Variants in TESC observed in about 807,000 individuals in gnomAD.
TESC encodes calcineurin B homologous protein 3.
Under a neutral mutation model 31.0 loss-of-function variants are expected in TESC, and 19 were observed. The observed-to-expected ratio is 0.61, with a 90% CI of 0.43 to 0.90. The LOEUF (loss-of-function observed/expected upper bound fraction) is 0.90. Ranked by LOEUF, TESC falls within the 40% of genes least tolerant of loss-of-function variation. The probability of loss-of-function intolerance (pLI) is 0.00; values close to 1 mark genes in which losing one functional copy is unlikely to be tolerated. For missense variants in TESC, 248 were observed against 303.8 expected, an observed-to-expected ratio of 0.82 and a Z score of 1.36; for synonymous variants, 109 against 114.8, an observed-to-expected ratio of 0.95 and a Z score of 0.32.
At chr12:117,049,271 G>A (rs1954613081) in intron 3 of TESC, 113 bp from the exon 4 acceptor site, 1 of 1,453,654 alleles carries the variant, frequency 6.9e-7, no homozygotes, top group Non-Finnish European at 9.4e-7. Flanking sequence ...GACCCACGAT[G>A]GCTGCTCTCG....
At chr12:117,046,864 C>T (rs1954574070) in intron 4 of TESC, 26 bp from the exon 5 acceptor site, 1 of 1,553,600 alleles carries the variant, frequency 6.4e-7, no homozygotes, top group African/African-American at 1.4e-5. Flanking sequence ...AGAGAGGGGA[C>T]TCCGTCAGGC....
At chr12:117,089,921 C>A (rs2135802261) in intron 1 of TESC, among the ~76,000 whole-genome samples, 1 of 152,112 alleles carries the variant, frequency 6.6e-6, no homozygotes, top group South Asian at 2.1e-4. Flanking sequence ...CCAGACATAG[C>A]ATGTACAAAA....
intron 1 of TESC, among the ~76,000 whole-genome samples, chr12:117,094,336 T>C (rs1955362454): frequency 6.6e-6 from 1 of 152,114 alleles, no homozygotes; most frequent in Non-Finnish European, 1.5e-5. Flanking sequence ...GGGGAGATGC[T>C]GGGAGGGTTG....
intron 7 of TESC, 25 bp from the exon 8 acceptor site, chr12:117,039,235 G>A (rs1449631015): frequency 1.9e-6 from 3 of 1,605,794 alleles, no homozygotes; most frequent in East Asian, 2.3e-5. Flanking sequence ...GCAGCGTTAA[G>A]GGCACGTTCC....
At chr12:117,061,287 GAGCGAATAATGA>G (rs1474067699) in intron 2 of TESC, among the ~76,000 whole-genome samples, 2 of 152,150 alleles carry the variant, frequency 1.3e-5, no homozygotes, top group African/African-American at 4.8e-5. Context: ...ATGGTTTGCT[GAGCGAATAATGA>G]AGCGAATAAT....
At chr12:117,048,889 C>T (rs1217418292) in intron 4 of TESC, 130 bp downstream of exon 4, 16 of 1,436,576 alleles carry the variant, frequency 1.1e-5, no homozygotes, top group Middle Eastern at 1.7e-4. Flanking sequence ...GGGCTGGTGG[C>T]CCCAAGCCCT....
chr12:117,042,515 C>A (rs911719435), intron 6 of TESC, among the ~76,000 whole-genome samples: 4 of 152,244 alleles, frequency 2.6e-5, no homozygotes, highest in Admixed American at 6.5e-5. Context: ...ACAGGGCCAG[C>A]CTGTGAGGCC....
At chr12:117,077,425 A>G (rs1449783842) in intron 1 of TESC, among the ~76,000 whole-genome samples, 1 of 152,246 alleles carries the variant, frequency 6.6e-6, no homozygotes, top group Non-Finnish European at 1.5e-5. Flanking sequence ...ACTCCTAGGT[A>G]TATACACAAA....
At chr12:117,045,758 C>A (rs531059178) in intron 6 of TESC, among the ~76,000 whole-genome samples, 1 of 152,224 alleles carries the variant, frequency 6.6e-6, no homozygotes, top group African/African-American at 2.4e-5. Flanking sequence ...AGAGACGCAG[C>A]CACTTTAGAC....
At chr12:117,040,092 A>G in intron 7 of TESC, among the ~76,000 whole-genome samples, 1 of 152,244 alleles carries the variant, frequency 6.6e-6, no homozygotes. Flanking sequence ...GACAGCCACG[A>G]GGCTGGTAAC....
chr12:117,066,843 A>AT (rs1320049937), intron 2 of TESC, among the ~76,000 whole-genome samples: 1 of 152,112 alleles, frequency 6.6e-6, no homozygotes, highest in Non-Finnish European at 1.5e-5. Context: ...GGCCCTGGAC[A>AT]TTTGCAGGCT....
At chr12:117,066,919 C>T (rs1175693745) in intron 2 of TESC, among the ~76,000 whole-genome samples, 2 of 152,142 alleles carry the variant, frequency 1.3e-5, no homozygotes, top group Non-Finnish European at 2.9e-5. Flanking sequence ...GTTTTATATG[C>T]GAGTACCTGC....
At chr12:117,046,506 A>T in intron 6 of TESC, 53 bp downstream of exon 6, 4 of 1,493,474 alleles carry the variant, frequency 2.7e-6, no homozygotes, top group Non-Finnish European at 2.7e-6. Context: ...AGAAACGCAG[A>T]CCATAAGCGG....
chr12:117,061,271 C>T (rs1954797393), intron 2 of TESC, among the ~76,000 whole-genome samples: 2 of 152,142 alleles, frequency 1.3e-5, no homozygotes, highest in South Asian at 2.1e-4. Flanking sequence ...GCAAGGTGGT[C>T]AATAAATGGT....
intron 3 of TESC, among the ~76,000 whole-genome samples, chr12:117,053,567 T>C (rs1025403953): frequency 2.0e-5 from 3 of 152,138 alleles, no homozygotes; most frequent in Non-Finnish European, 2.9e-5. Flanking sequence ...TGCACAGATC[T>C]TGTGTTTGGA....
At chr12:117,069,584 C>T (rs1024292912) in intron 2 of TESC, among the ~76,000 whole-genome samples, 3 of 152,082 alleles carry the variant, frequency 2.0e-5, no homozygotes, top group African/African-American at 7.2e-5. Context: ...TGTAAAGAAC[C>T]CACGCAAAAG....
chr12:117,080,812 C>T (rs147464681), intron 1 of TESC, among the ~76,000 whole-genome samples: 79 of 152,272 alleles, frequency 5.2e-4, no homozygotes, highest in Admixed American at 9.8e-4. Flanking sequence ...CAGGGCCCCT[C>T]GCATAAGCAC....
intron 2 of TESC, among the ~76,000 whole-genome samples, chr12:117,066,907 A>T (rs1434098055): frequency 6.6e-6 from 1 of 152,062 alleles, no homozygotes; most frequent in Admixed American, 6.6e-5. Flanking sequence ...ATCTCTATAA[A>T]AGTTTTATAT....
At chr12:117,050,018 G>C (rs747831734) in intron 3 of TESC, among the ~76,000 whole-genome samples, 4 of 151,676 alleles carry the variant, frequency 2.6e-5, no homozygotes, top group African/African-American at 4.8e-5. Flanking sequence ...CAGTGGTGCA[G>C]CCTCAAACTC....
Sources: allele counts gnomAD v4.1 joint callset (sites outside exome capture counted in the v4.1 genomes callset), GRCh38; gene constraint gnomAD v4.1.1; transcripts MANE v1.5; gene names NCBI Gene and HGNC (gene_info 2026-07-23, HGNC 2026-07-21).